Variants in CFAP58 observed in about 807,000 individuals in gnomAD.
The protein encoded by CFAP58 is cilia- and flagella-associated protein 58.
In CFAP58, 88 loss-of-function variants were observed where a neutral mutation model predicts 119.5. The observed-to-expected ratio is 0.74, with a 90% CI of 0.62 to 0.88. The LOEUF (loss-of-function observed/expected upper bound fraction) is 0.88. Among genes scored for constraint, CFAP58 ranks in the 40% least tolerant of loss-of-function variants. The pLI is 0.00. For synonymous variants in CFAP58, 365 were observed against 366.3 expected (o/e 1.00, Z 0.04); for missense variants, 990 against 1,021.2 (o/e 0.97, Z 0.42).
chr10:104,339,411 C>T, the CFAP58 span, among the ~76,000 whole-genome samples: 1 of 152,204 alleles, frequency 6.6e-6, no homozygotes, highest in African/African-American at 2.4e-5. Flanking sequence ...TCCATAACTT[C>T]TATTGTCTTC....
In CFAP58 at chr10:104,365,858, G is replaced by T. The variant is rs751890011; in HGVS notation, c.642G>T (p.Glu214Asp). ...IQQRQNEASR[E>D]FRKKEKLEKE... ...AACGTCAGAACGAAGCTTCCCGGGA[G>T]TTCCGGAAGAAGGAAAAACTAGAGA... The change falls in exon 5 of 18, where the codon GAG becomes GAT. Residue 214 changes from glutamate (E) to aspartate (D), a missense_variant. By Grantham distance (45) the Glu-to-Asp change is conservative (BLOSUM62 2). Transcript: ENST00000369704. 1 of 1,613,116 alleles carries T rather than the reference G, an allele frequency of 6.2e-7. No homozygotes were observed. The highest frequency in any genetic ancestry group is 8.5e-7 in the Non-Finnish European group (1 of 1,179,646).
chr10:104,357,277 C>T (rs1380628199), intron 1 of CFAP58, among the ~76,000 whole-genome samples: 1 of 152,126 alleles, frequency 6.6e-6, no homozygotes, highest in African/African-American at 2.4e-5. Context: ...CCCATCTAAC[C>T]ATGGAAAGCA....
chr10:104,447,907 G>A, intron 16 of CFAP58, 90 bp downstream of exon 16: 1 of 1,446,728 alleles, frequency 6.9e-7, no homozygotes, highest in Non-Finnish European at 9.2e-7. Flanking sequence ...CACACAATGA[G>A]CCAGTCTCTC....
upstream of CFAP58, chr10:104,353,794 G>A: frequency 2.1e-6 from 3 of 1,410,286 alleles, no homozygotes; most frequent in African/African-American, 1.4e-5. Context: ...CTCGGGGCGG[G>A]CGATAGAGAC....
At chr10:104,383,216 A>T (rs1299675664) in intron 9 of CFAP58, among the ~76,000 whole-genome samples, 1 of 152,204 alleles carries the variant, frequency 6.6e-6, no homozygotes, top group Non-Finnish European at 1.5e-5. Flanking sequence ...CCTTATGGGC[A>T]GAGCTTGTCA....
intron 1 of CFAP58, among the ~76,000 whole-genome samples, chr10:104,357,842 T>C (rs538815092): frequency 2.3e-4 from 17 of 75,526 alleles, no homozygotes; most frequent in African/African-American, 6.5e-4. Flanking sequence ...TATGTACACA[T>C]ATGTACACAT....
At chr10:104,358,065 A>G (rs750466667) in intron 1 of CFAP58, among the ~76,000 whole-genome samples, 1 of 149,156 alleles carries the variant, frequency 6.7e-6, no homozygotes, top group Admixed American at 6.7e-5. Flanking sequence ...GTACATATAT[A>G]CACATATGTA....
intron 9 of CFAP58, among the ~76,000 whole-genome samples, chr10:104,382,647 G>A (rs942769976): frequency 5.9e-5 from 9 of 152,122 alleles, no homozygotes; most frequent in African/African-American, 2.2e-4. Context: ...ATTGGATCAT[G>A]GAGGAGTTTT....
intron 1 of CFAP58, among the ~76,000 whole-genome samples, chr10:104,358,053 ATG>A (rs2014613693): frequency 6.7e-6 from 1 of 149,336 alleles, no homozygotes. Flanking sequence ...ACACACATAT[ATG>A]TACATATATA....
intron 15 of CFAP58, among the ~76,000 whole-genome samples, chr10:104,417,483 A>G (rs78867365): frequency 0.02 from 2,987 of 152,314 alleles, 110 homozygotes; most frequent in African/African-American, 0.068. Flanking sequence ...TAATCAGACA[A>G]CTGAATGCAA....
chr10:104,452,034 C>A (rs190643766), intron 17 of CFAP58, among the ~76,000 whole-genome samples: 76 of 152,222 alleles, frequency 5.0e-4, no homozygotes, highest in Non-Finnish European at 9.0e-4. Flanking sequence ...CCACTGTGCC[C>A]TGCCAGTAAA....
chr10:104,418,675 C>A (rs2012593849), intron 15 of CFAP58, among the ~76,000 whole-genome samples: 1 of 152,212 alleles, frequency 6.6e-6, no homozygotes, highest in Non-Finnish European at 1.5e-5. Context: ...TTTGTTCCCC[C>A]ACTTCAGATA....
At chr10:104,393,600 A>G (rs1190706023) in intron 11 of CFAP58, 125 bp downstream of exon 11, 2 of 883,740 alleles carry the variant, frequency 2.3e-6, no homozygotes, top group Admixed American at 2.9e-5. Context: ...CACAGTTGCT[A>G]GTTACCCAAA....
chr10:104,439,540 A>G (rs2012999617), intron 15 of CFAP58, among the ~76,000 whole-genome samples: 1 of 152,284 alleles, frequency 6.6e-6, no homozygotes, highest in Admixed American at 6.5e-5. Context: ...ATCTCACTGA[A>G]ACTTTTATTT....
chr10:104,436,138 G>A (rs1304193600), intron 15 of CFAP58, among the ~76,000 whole-genome samples: 2 of 152,062 alleles, frequency 1.3e-5, no homozygotes, highest in Non-Finnish European at 2.9e-5. Context: ...TCTCTGAAGT[G>A]GAACACTTAA....
At chr10:104,350,548 G>C (rs2014448194), upstream of CFAP58, among the ~76,000 whole-genome samples, 1 of 152,154 alleles carries the variant, frequency 6.6e-6, no homozygotes, top group Non-Finnish European at 1.5e-5. Context: ...AGCTGAACAT[G>C]TCACGCGCCT....
intron 7 of CFAP58, among the ~76,000 whole-genome samples, chr10:104,371,830 G>A (rs1229513495): frequency 1.3e-5 from 2 of 152,134 alleles, no homozygotes; most frequent in East Asian, 3.8e-4. Context: ...AACAGCTCTG[G>A]ACTTGGAGAC....
chr10:104,354,484 A>G (rs953439981), intron 1 of CFAP58, among the ~76,000 whole-genome samples: 9 of 150,578 alleles, frequency 6.0e-5, no homozygotes, highest in African/African-American at 1.7e-4. Context: ...AGTACACCCC[A>G]TTTTCAGCCT....
chr10:104,415,669 G>C (rs895701945), intron 15 of CFAP58, among the ~76,000 whole-genome samples: 1 of 152,160 alleles, frequency 6.6e-6, no homozygotes, highest in African/African-American at 2.4e-5. Context: ...TACCTGTTAC[G>C]TGAGATCAGG....
Sources: allele counts gnomAD v4.1 joint callset (sites outside exome capture counted in the v4.1 genomes callset), GRCh38; gene constraint gnomAD v4.1.1; transcripts MANE v1.5; gene names NCBI Gene and HGNC (gene_info 2026-07-23, HGNC 2026-07-21).